CCDC9: variants seen among roughly 807,000 people sequenced by gnomAD.
The protein encoded by CCDC9 is coiled-coil domain containing 9.
CCDC9 carries 52 observed loss-of-function variants against 65.6 expected under a neutral mutation model. That is an observed-to-expected ratio of 0.79 (90% CI 0.63 to 1.00). The LOEUF (loss-of-function observed/expected upper bound fraction) is 1.00. Among genes scored for constraint, CCDC9 ranks in the 50% least tolerant of loss-of-function variants. The probability of loss-of-function intolerance (pLI) is 0.00; values close to 1 mark genes in which losing one functional copy is unlikely to be tolerated. For missense variants in CCDC9, 834 were observed against 757.2 expected, an observed-to-expected ratio of 1.10 and a Z score of -1.19; for synonymous variants, 332 against 280.3, an observed-to-expected ratio of 1.18 and a Z score of -1.84.
rs45591932 is a variant in CCDC9 at position 47,260,316 on chromosome 19, C to T, written c.109-5C>T. ...TGCTTCCCTACCCCGGCTGTCTGCT[C>T]CTAGGAGATTGAGGAAGACCGTAAG... On this transcript the variant is annotated splice_region_variant and splice_polypyrimidine_tract_variant and intron_variant, in intron 3 of 11. Transcript: ENST00000221922. 518,573 of 1,572,838 alleles carry T rather than the reference C, an allele frequency of 0.33. 88,253 individuals are homozygous for T. The highest frequency in any genetic ancestry group is 0.59 in the East Asian group (25,447 of 42,788).
chr19:47,273,765 G>A (rs1600296146), downstream of CCDC9: 4 of 323,786 alleles, frequency 1.2e-5, no homozygotes, highest in East Asian at 5.0e-5. Flanking sequence ...CCTGGCAGCC[G>A]GTGACACTTC....
chr19:47,269,447 G>A (rs1388666401), intron 8 of CCDC9, among the ~76,000 whole-genome samples: 1 of 151,922 alleles, frequency 6.6e-6, no homozygotes, highest in East Asian at 1.9e-4. Flanking sequence ...ATCGCCTCCT[G>A]GGTTCAAATA....
chr19:47,271,892 A>G lies in CCDC9; in HGVS notation c.*214A>G. 3.8e-6 allele frequency: 5 copies of G among 1,313,440 alleles called. No homozygotes were observed. The South Asian group carries it at 1.0e-4, about 26-fold the overall frequency. The allele number at this position is 1,313,440 out of a possible 1,614,324, so 81.4% of individuals were successfully genotyped here. A position where few individuals can be genotyped will look rare whatever the true frequency, so the allele number is the denominator to read the frequency against. On this transcript the variant is annotated 3_prime_UTR_variant, in exon 12 of 12. Transcript: ENST00000221922. ...TGTCATGCCCGTCTCTGGAATGTCC[A>G]CTCCCAGAGCCTGCCCCAGCCCTTC...
downstream of CCDC9, chr19:47,271,992 T>C: frequency 1.6e-6 from 2 of 1,246,594 alleles, no homozygotes; most frequent in South Asian, 3.7e-5. Context: ...CCCCTTCAAC[T>C]CCCCCTGGGC....
downstream of CCDC9, chr19:47,275,180 G>A: frequency 1.4e-6 from 2 of 1,464,730 alleles, no homozygotes; most frequent in East Asian, 2.9e-5. Flanking sequence ...CTGTCCCGGC[G>A]CCCGCCGCTG....
rs551950445 is a variant in CCDC9 at position 47,259,751 on chromosome 19, C to T, written c.109-570C>T. ...CATCACTGAAAGCAGACAGACATTC[C>T]TGTCCCCAGGCAGATTCTGCCGTAG... On this transcript the variant is annotated intron_variant, in intron 3 of 11. Coordinates refer to ENST00000221922, the MANE Select transcript of CCDC9 (RefSeq NM_015603.3). 1.1e-4 allele frequency among the ~76,000 whole-genome samples: 17 copies of T among 152,348 alleles called. 1 individual carries two copies. The South Asian group carries it at 3.3e-3, about 30-fold the overall frequency.
intron 3 of CCDC9, among the ~76,000 whole-genome samples, chr19:47,260,034 G>A (rs760811337): frequency 8.5e-5 from 13 of 152,180 alleles, no homozygotes; most frequent in Admixed American, 3.9e-4. Context: ...CAAGGAAGCC[G>A]GAGTGATCGT....
intron 5 of CCDC9, 56 bp downstream of exon 5, chr19:47,260,895 G>A (rs1458073111): frequency 2.9e-5 from 46 of 1,568,722 alleles, no homozygotes; most frequent in Non-Finnish European, 4.0e-5. Context: ...GTCTGTTTCT[G>A]TTTTTTCCTC....
At position 47,264,871 on chromosome 19, in the gene CCDC9, G is replaced by T. The variant is rs2032811; in HGVS notation, c.645G>T (p.Glu215Asp). 1.3e-6 allele frequency: 2 copies of T among 1,485,378 alleles called. No homozygotes were observed. The highest frequency in any genetic ancestry group is 8.9e-7 in the Non-Finnish European group (1 of 1,119,958). 92.0% of individuals were successfully genotyped at this position (1,485,378 alleles called of 1,614,324 possible). Residue 215 changes from glutamate to aspartate, a missense_variant, in exon 7 of 12, where the codon GAG (glutamate) becomes GAT (aspartate). Transcript: ENST00000221922. Reference protein sequence around the residue: ...LEESERDRREESRRHGRNWGG... With the variant: ...LEESERDRREDSRRHGRNWGG... ...AGTCTGAGCGGGACCGCCGGGAGGA[G>T]AGCCGCCGGCACGGCCGCAACTGGG...
intron 8 of CCDC9, among the ~76,000 whole-genome samples, chr19:47,268,349 T>C (rs918869327): frequency 2.0e-5 from 3 of 152,200 alleles, no homozygotes; most frequent in African/African-American, 7.2e-5. Context: ...TCCCCCATTC[T>C]TTCCTGTGTT....
intron 1 of CCDC9, among the ~76,000 whole-genome samples, chr19:47,256,916 G>GGAAGCTCTGT (rs1257938254): frequency 6.6e-6 from 1 of 151,836 alleles, no homozygotes; most frequent in Non-Finnish European, 1.5e-5. Flanking sequence ...GACGCCGGGC[G>GGAAGCTCTGT]GAAGCTCTGT....
At position 47,258,432 on chromosome 19, in the gene CCDC9, T is replaced by G. The variant is rs1305471150; in HGVS notation, c.3+29T>G. 2.5e-6 allele frequency: 4 copies of G among 1,613,886 alleles called. No homozygotes were observed. The African/African-American group carries it at 5.3e-5, about 22-fold the overall frequency. On this transcript the variant is annotated intron_variant, in intron 2 of 11. Transcript: ENST00000221922. ...AGGCTGAAAAATGGGGTCTCTAGAA[T>G]CTGAGTTTTGGGGAAGGGGGCTTGG...
intron 7 of CCDC9, 145 bp from the exon 8 acceptor site, chr19:47,266,466 G>T: frequency 7.9e-7 from 1 of 1,273,674 alleles, no homozygotes; most frequent in Non-Finnish European, 1.0e-6. Flanking sequence ...CCTCTGTGAG[G>T]AGGTGCCACC....
Position 47,260,584 on chromosome 19 carries a change from C to G in CCDC9, c.211-4C>G. The G allele has an allele frequency of 2.6e-6, 4 of 1,531,366 alleles. No individual in the cohort carries two copies. The highest frequency in any genetic ancestry group is 3.5e-6 in the Non-Finnish European group (4 of 1,147,130). The allele number at this position is 1,531,366 out of a possible 1,614,324, so 94.9% of individuals were successfully genotyped here. A position where few individuals can be genotyped will look rare whatever the true frequency, so the allele number is the denominator to read the frequency against. On this transcript the variant is annotated splice_region_variant and splice_polypyrimidine_tract_variant and intron_variant, in intron 4 of 11. Transcript: ENST00000221922. ...CTGTATTTTCCCCATCTCCCCTCTTCCAGGAGAAGAACCTGGGTCCTTCCC... is the reference window on the plus strand; with the variant it reads ...CTGTATTTTCCCCATCTCCCCTCTTGCAGGAGAAGAACCTGGGTCCTTCCC...
At chr19:47,275,393 T>C, downstream of CCDC9, 5 of 1,519,200 alleles carry the variant, frequency 3.3e-6, no homozygotes, top group Non-Finnish European at 4.4e-6. Flanking sequence ...TCGAGAGCTC[T>C]GTGCTCCACG....
chr19:47,272,818 G>T (rs1247412490), downstream of CCDC9, among the ~76,000 whole-genome samples: 1 of 152,190 alleles, frequency 6.6e-6, no homozygotes, highest in African/African-American at 2.4e-5. Context: ...TTTTGGGACC[G>T]ACGAAGTGCG....
Position 47,260,917 on chromosome 19 carries a change from A to G in CCDC9, c.462+78A>G, listed in dbSNP as rs1052915183. 1.7e-5 allele frequency: 26 copies of G among 1,498,324 alleles called. No homozygotes were observed. The East Asian group carries it at 4.7e-4, about 27-fold the overall frequency. The allele number at this position is 1,498,324 out of a possible 1,614,324, so 92.8% of individuals were successfully genotyped here. Reference sequence around the variant, plus strand: ...TCTGTTTTTTCCTCCTCTCAGATGCACATTTGTCCTGTGTGTCCATCTTTC... The same window carrying G: ...TCTGTTTTTTCCTCCTCTCAGATGCGCATTTGTCCTGTGTGTCCATCTTTC... On this transcript the variant is annotated intron_variant, in intron 5 of 11. Transcript: ENST00000221922.
chr19:47,260,756 G>A lies in CCDC9; in HGVS notation c.379G>A (p.Gly127Ser), dbSNP rs1331850926. ...GCAGCCTCGAGGAGGAGGAGCTGGG[G>A]GCCGTGGCCGGAGGGGCCGGGGCCG... ...GEQPRGGGAG[G>S]RGRRGRGRGS... The change falls in exon 5 of 12, where the codon GGC becomes AGC. Residue 127 changes from glycine (G) to serine (S), a missense_variant. Coordinates refer to ENST00000221922, the MANE Select transcript of CCDC9 (RefSeq NM_015603.3). The A allele has an allele frequency of 1.2e-6, 2 of 1,608,982 alleles. No homozygotes were observed. The highest frequency in any genetic ancestry group is 2.2e-5 in the South Asian group (2 of 90,704).
downstream of CCDC9, chr19:47,272,033 G>C: frequency 8.1e-7 from 1 of 1,237,424 alleles, no homozygotes; most frequent in Non-Finnish European, 1.0e-6. Context: ...GATGTCAGGC[G>C]GGAAAGGGGG....
Sources: gnomAD v4.1 joint callset for allele counts (sites outside exome capture counted in the v4.1 genomes callset) on GRCh38, gnomAD v4.1.1 for gene constraint, MANE v1.5 for transcripts, NCBI Gene and HGNC (gene_info 2026-07-23, HGNC 2026-07-21) for gene names.